The following FBXL13 variants were observed in gnomAD, a reference collection of about 807,000 sequenced individuals.
The protein encoded by FBXL13 is F-box and leucine rich repeat protein 13.
In FBXL13, 67 loss-of-function variants were observed where a neutral mutation model predicts 83.6. The observed-to-expected ratio is 0.80, with a 90% CI of 0.66 to 0.98. The LOEUF (loss-of-function observed/expected upper bound fraction) is 0.98. FBXL13 is among the 50% of genes least tolerant of loss of function. FBXL13 has a pLI of 0.00. For missense variants in FBXL13, 822 were observed against 866.5 expected, an observed-to-expected ratio of 0.95 and a Z score of 0.64; for synonymous variants, 272 against 299.5, an observed-to-expected ratio of 0.91 and a Z score of 0.95.
At chr7:102,905,925 C>T (rs1438897051) in intron 11 of FBXL13, among the ~76,000 whole-genome samples, 2 of 152,124 alleles carry the variant, frequency 1.3e-5, no homozygotes, top group South Asian at 4.1e-4. Flanking sequence ...TGTATTAGTC[C>T]GTTTTCATGC....
intron 7 of FBXL13, among the ~76,000 whole-genome samples, chr7:102,964,077 A>T (rs1476422114): frequency 6.6e-6 from 1 of 152,128 alleles, no homozygotes; most frequent in Non-Finnish European, 1.5e-5. Context: ...TTGGGAGGCC[A>T]AAGCGGGCGG....
chr7:102,897,429 T>C (rs1465910705), intron 11 of FBXL13, among the ~76,000 whole-genome samples: 4 of 151,990 alleles, frequency 2.6e-5, no homozygotes, highest in Non-Finnish European at 4.4e-5. Context: ...CAAGAATGCA[T>C]AGAGATTTAA....
At chr7:102,990,791 A>T (rs1829478738) in intron 6 of FBXL13, among the ~76,000 whole-genome samples, 1 of 152,242 alleles carries the variant, frequency 6.6e-6, no homozygotes, top group African/African-American at 2.4e-5. Context: ...GGGTGAAGGC[A>T]TATGGCCAGA....
chr7:102,859,129 A>G (rs1345198858), intron 16 of FBXL13, among the ~76,000 whole-genome samples: 1 of 152,228 alleles, frequency 6.6e-6, no homozygotes, highest in Non-Finnish European at 1.5e-5. Flanking sequence ...CTTTTAATAT[A>G]TTTTTGTTAG....
At chr7:102,872,798 A>G (rs1808700748) in intron 16 of FBXL13, among the ~76,000 whole-genome samples, 1 of 152,242 alleles carries the variant, frequency 6.6e-6, no homozygotes, top group Non-Finnish European at 1.5e-5. Flanking sequence ...TTAAGATATT[A>G]TCACATTAGT....
chr7:102,883,670 A>G (rs776899412), exon 13 of FBXL13: 7 of 1,604,574 alleles, frequency 4.4e-6, no homozygotes, highest in South Asian at 2.2e-5. Flanking sequence ...ATACGAGAGC[A>G]TTTTTCAACT....
Position 102,829,178 on chromosome 7 carries a change from T to G in FBXL13, c.1854+3662A>C, listed in dbSNP as rs75159710. 0.014 allele frequency among the ~76,000 whole-genome samples: 2,135 copies of G among 152,332 alleles called. 119 individuals carry two copies. In the East Asian group the frequency reaches 0.16, roughly 11 times the overall value. ...AAGTGGAACATTTACAGTTGAGATT[T>G]CATCCACCTTGAGCAGCTTTCCTGA... On this transcript the variant is annotated intron_variant, in intron 18 of 19. Coordinates refer to ENST00000313221, the Ensembl canonical transcript of FBXL13.
intron 11 of FBXL13, among the ~76,000 whole-genome samples, chr7:102,899,865 T>C (rs1812746248): frequency 6.6e-6 from 1 of 151,972 alleles, no homozygotes; most frequent in Non-Finnish European, 1.5e-5. Context: ...AGGTTGGGAA[T>C]TCGAGACTGG....
chr7:102,906,621 T>C (rs1813791984), intron 11 of FBXL13, among the ~76,000 whole-genome samples: 1 of 152,242 alleles, frequency 6.6e-6, no homozygotes, highest in Admixed American at 6.5e-5. Flanking sequence ...AGACATACTA[T>C]TCTAGGGTAA....
intron 19 of FBXL13, among the ~76,000 whole-genome samples, chr7:102,817,025 T>C (rs1798111058): frequency 6.6e-6 from 1 of 152,356 alleles, no homozygotes; most frequent in African/African-American, 2.4e-5. Flanking sequence ...GCACTTAGGT[T>C]GATCCCATGA....
At chr7:102,903,623 A>C (rs1347140565) in intron 11 of FBXL13, among the ~76,000 whole-genome samples, 1 of 151,912 alleles carries the variant, frequency 6.6e-6, no homozygotes, top group Admixed American at 6.6e-5. Flanking sequence ...TTTTCTTATG[A>C]AGGGATATTG....
intron 6 of FBXL13, among the ~76,000 whole-genome samples, chr7:102,985,155 T>C (rs1828791124): frequency 6.6e-6 from 1 of 152,236 alleles, no homozygotes; most frequent in African/African-American, 2.4e-5. Context: ...GATGGCTTCA[T>C]ACCCACACCA....
intron 16 of FBXL13, among the ~76,000 whole-genome samples, chr7:102,869,196 A>G (rs1052630403): frequency 1.3e-5 from 2 of 152,192 alleles, no homozygotes; most frequent in African/African-American, 4.8e-5. Context: ...GCAATAGCTC[A>G]TTGCAGTTTT....
In FBXL13 at chr7:102,942,444, C is replaced by G. The variant is rs892494080; in HGVS notation, c.725-10511G>C. On this transcript the variant is annotated intron_variant, in intron 8 of 19. Coordinates refer to ENST00000313221, the Ensembl canonical transcript of FBXL13. ...TTGTGGAAAAGAGAAAGAAGATACCCTACTAGGGGGTTTTTACCTCCTTTA... is the reference window on the plus strand; with the variant it reads ...TTGTGGAAAAGAGAAAGAAGATACCGTACTAGGGGGTTTTTACCTCCTTTA... 1.2e-5 allele frequency: 12 copies of G among 1,032,116 alleles called. No homozygotes were observed. In the Admixed American group the frequency reaches 1.4e-4, roughly 12 times the overall value. 63.9% of individuals were successfully genotyped at this position (1,032,116 alleles called of 1,614,324 possible).
At chr7:102,897,252 A>G (rs180854966) in intron 11 of FBXL13, among the ~76,000 whole-genome samples, 48 of 152,104 alleles carry the variant, frequency 3.2e-4, no homozygotes, top group African/African-American at 1.1e-3. Context: ...TCAAGGGAGT[A>G]GGTATAGCTG....
intron 14 of FBXL13, among the ~76,000 whole-genome samples, chr7:102,880,131 G>C (rs1325748931): frequency 6.6e-6 from 1 of 152,196 alleles, no homozygotes; most frequent in East Asian, 1.9e-4. Context: ...TTTGTAGAGA[G>C]AGAATACCAT....
At chr7:102,951,610 C>G (rs900877969) in intron 8 of FBXL13, among the ~76,000 whole-genome samples, 3 of 151,508 alleles carry the variant, frequency 2.0e-5, no homozygotes, top group African/African-American at 7.3e-5. Flanking sequence ...GAGTTCAAGA[C>G]CAGCCTGGGT....
intron 6 of FBXL13, among the ~76,000 whole-genome samples, chr7:103,009,026 G>T (rs552220739): frequency 5.3e-4 from 81 of 151,840 alleles, no homozygotes; most frequent in Middle Eastern, 3.4e-3. Flanking sequence ...ACAGTCCATG[G>T]TATTTAAAAT....
intron 6 of FBXL13, among the ~76,000 whole-genome samples, chr7:102,977,723 A>T (rs1006441621): frequency 6.6e-6 from 1 of 152,232 alleles, no homozygotes; most frequent in Non-Finnish European, 1.5e-5. Flanking sequence ...GATAGACTGG[A>T]TTAAGAAAAT....
Sources: gnomAD v4.1 joint callset for allele counts (sites outside exome capture counted in the v4.1 genomes callset) on GRCh38, gnomAD v4.1.1 for gene constraint, MANE v1.5 for transcripts, NCBI Gene and HGNC (gene_info 2026-07-23, HGNC 2026-07-21) for gene names.